TMEM163: variants seen among roughly 807,000 people sequenced by gnomAD.
TMEM163 encodes transmembrane protein 163.
Under a neutral mutation model 29.3 loss-of-function variants are expected in TMEM163, and 17 were observed. The observed-to-expected ratio is 0.58, with a 90% CI of 0.40 to 0.87. TMEM163 has a LOEUF of 0.87. TMEM163 is among the 40% of genes least tolerant of loss of function. TMEM163 has a pLI of 0.00. For synonymous variants in TMEM163, 157 were observed against 160.6 expected (o/e 0.98, Z 0.17); for missense variants, 303 against 381.5 (o/e 0.79, Z 1.71).
chr2:134,517,475 G>A (rs923000986), intron 4 of TMEM163, among the ~76,000 whole-genome samples: 2 of 152,160 alleles, frequency 1.3e-5, no homozygotes, highest in Non-Finnish European at 2.9e-5. Flanking sequence ...GGCTTGCCGC[G>A]TAGACAAGCC....
chr2:134,672,616 A>T (rs767102694), intron 2 of TMEM163, among the ~76,000 whole-genome samples: 3 of 151,932 alleles, frequency 2.0e-5, no homozygotes, highest in Non-Finnish European at 4.4e-5. Context: ...GACTAAAGCG[A>T]TCCTCCCACT....
At chr2:134,675,065 G>C (rs547426805) in intron 2 of TMEM163, among the ~76,000 whole-genome samples, 2 of 152,282 alleles carry the variant, frequency 1.3e-5, no homozygotes, top group East Asian at 1.9e-4. Flanking sequence ...CTCTCTCTCT[G>C]TTTCTTATTC....
intron 4 of TMEM163, among the ~76,000 whole-genome samples, chr2:134,522,554 G>A (rs949780022): frequency 6.6e-6 from 1 of 152,186 alleles, no homozygotes; most frequent in African/African-American, 2.4e-5. Context: ...GAAATTAGGA[G>A]GGCACATTTG....
chr2:134,521,836 C>T (rs953459525), intron 4 of TMEM163, among the ~76,000 whole-genome samples: 1 of 152,154 alleles, frequency 6.6e-6, no homozygotes, highest in Non-Finnish European at 1.5e-5. Flanking sequence ...TCCTAGGAGG[C>T]AGGCACTGGG....
chr2:134,518,007 G>T (rs1680112741), intron 4 of TMEM163, among the ~76,000 whole-genome samples: 1 of 152,022 alleles, frequency 6.6e-6, no homozygotes, highest in African/African-American at 2.4e-5. Flanking sequence ...CAACTTCTCT[G>T]TGACCTATAC....
At chr2:134,536,185 G>A (rs1680536706) in intron 4 of TMEM163, among the ~76,000 whole-genome samples, 1 of 152,182 alleles carries the variant, frequency 6.6e-6, no homozygotes, top group African/African-American at 2.4e-5. Flanking sequence ...GGAAATGGAA[G>A]CAAAGGGTAC....
Position 134,645,452 on chromosome 2 carries a change from A to T in TMEM163, c.322+67748T>A, listed in dbSNP as rs192756409. 8.7e-4 allele frequency among the ~76,000 whole-genome samples: 132 copies of T among 152,356 alleles called. 1 individual carries two copies. The highest frequency in any genetic ancestry group is 3.1e-3 in the African/African-American group (128 of 41,578). On this transcript the variant is annotated intron_variant, in intron 2 of 7. Transcript: ENST00000281924. Reference sequence around the variant, plus strand: ...AGATACTTACTATCTGGCCCTTTACAGAAAAAGTTTGCCAACATCTGGTCC... The same window carrying T: ...AGATACTTACTATCTGGCCCTTTACTGAAAAAGTTTGCCAACATCTGGTCC...
intron 2 of TMEM163, among the ~76,000 whole-genome samples, chr2:134,585,605 G>A (rs189371527): frequency 5.1e-4 from 78 of 152,214 alleles, no homozygotes; most frequent in Admixed American, 2.2e-3. Flanking sequence ...AGCCGGGCGC[G>A]GTGGCGGGCA....
intron 5 of TMEM163, among the ~76,000 whole-genome samples, chr2:134,475,809 A>G (rs1032579844): frequency 6.6e-6 from 1 of 152,138 alleles, no homozygotes. Flanking sequence ...AGAATCACCA[A>G]AATTAAAAAA....
chr2:134,629,871 C>A (rs533582344), intron 2 of TMEM163, among the ~76,000 whole-genome samples: 2 of 152,270 alleles, frequency 1.3e-5, no homozygotes, highest in African/African-American at 4.8e-5. Context: ...AAAGAGTTGA[C>A]GGACAAACTG....
At chr2:134,465,198 A>AAAAAAAAAACAAAAAC (rs1352256515) in intron 6 of TMEM163, among the ~76,000 whole-genome samples, 1 of 144,362 alleles carries the variant, frequency 6.9e-6, no homozygotes. Flanking sequence ...TTAAAAAAAA[A>AAAAAAAAAACAAAAAC]AAAAACAAAA....
At chr2:134,472,986 T>C (rs913006805) in intron 5 of TMEM163, among the ~76,000 whole-genome samples, 3 of 152,098 alleles carry the variant, frequency 2.0e-5, no homozygotes, top group Non-Finnish European at 2.9e-5. Context: ...TAAAAACTCA[T>C]GAATCAAAGA....
intron 2 of TMEM163, among the ~76,000 whole-genome samples, chr2:134,556,827 T>C (rs531410013): frequency 6.6e-6 from 1 of 152,144 alleles, no homozygotes; most frequent in African/African-American, 2.4e-5. Context: ...TCTCAAAATA[T>C]TTTTTAGAAA....
At chr2:134,581,880 T>C (rs1414174022) in intron 2 of TMEM163, among the ~76,000 whole-genome samples, 1 of 152,208 alleles carries the variant, frequency 6.6e-6, no homozygotes, top group African/African-American at 2.4e-5. Flanking sequence ...CCACTGATTC[T>C]CCATGTTAAA....
At chr2:134,622,120 A>G (rs1682752987) in intron 2 of TMEM163, among the ~76,000 whole-genome samples, 2 of 152,168 alleles carry the variant, frequency 1.3e-5, no homozygotes, top group Non-Finnish European at 2.9e-5. Context: ...GGCAAACTCT[A>G]CAGAAACCGA....
At chr2:134,516,780 C>CAT (rs1553476350) in intron 4 of TMEM163, among the ~76,000 whole-genome samples, 1 of 139,460 alleles carries the variant, frequency 7.2e-6, no homozygotes, top group Admixed American at 7.4e-5. Flanking sequence ...CATATCTATT[C>CAT]ATATATATAT....
At chr2:134,557,463 A>G (rs768908624) in intron 2 of TMEM163, among the ~76,000 whole-genome samples, 1 of 152,220 alleles carries the variant, frequency 6.6e-6, no homozygotes, top group African/African-American at 2.4e-5. Flanking sequence ...AAAGTGGTCC[A>G]GGCACAGCTT....
At chr2:134,577,919 T>G (rs1464989110) in intron 2 of TMEM163, among the ~76,000 whole-genome samples, 1 of 152,208 alleles carries the variant, frequency 6.6e-6, no homozygotes. Context: ...AGAGGTGATT[T>G]AAAGTATACG....
chr2:134,618,686 A>T (rs1330761274), intron 2 of TMEM163, among the ~76,000 whole-genome samples: 1 of 151,944 alleles, frequency 6.6e-6, no homozygotes, highest in Non-Finnish European at 1.5e-5. Context: ...ACTACAAAAA[A>T]ATCCAATTAG....
Sources: gnomAD v4.1 joint callset for allele counts (sites outside exome capture counted in the v4.1 genomes callset) on GRCh38, gnomAD v4.1.1 for gene constraint, MANE v1.5 for transcripts, NCBI Gene and HGNC (gene_info 2026-07-23, HGNC 2026-07-21) for gene names.